The following ELMO1 variants were observed in gnomAD, a reference collection of about 807,000 sequenced individuals.
ELMO1 encodes engulfment and cell motility 1.
ELMO1 carries 26 observed loss-of-function variants against 98.9 expected under a neutral mutation model. The ratio of observed to expected loss-of-function variants is 0.26; its 90% confidence interval spans 0.19 to 0.36. The LOEUF (loss-of-function observed/expected upper bound fraction) is 0.36, where lower values mean the gene tolerates loss of function less well. Among genes scored for constraint, ELMO1 ranks in the 10% least tolerant of loss-of-function variants. ELMO1 has a pLI of 1.00. For missense variants in ELMO1, 627 were observed against 935.2 expected (o/e 0.67, Z 4.30); for synonymous variants, 346 against 346.0 (o/e 1.00, Z 0.00).
chr7:37,419,819 T>C (rs1257546906), intron 1 of ELMO1: 1 of 152,236 alleles, frequency 6.6e-6, no homozygotes, highest in Admixed American at 6.5e-5. Flanking sequence ...CATATGTGTA[T>C]CATCCAGAGA....
At position 36,887,570 on chromosome 7, in the gene ELMO1, C is replaced by T; in HGVS notation, c.1704G>A (p.Arg568=). The T allele has an allele frequency of 1.2e-6, 2 of 1,614,066 alleles. No homozygotes were observed. Among genetic ancestry groups the T allele is most frequent in the African/African-American group, 2.7e-5 (2 of 75,042 alleles). Residue 568 remains arginine, a synonymous_variant, in exon 18 of 22, where the codon CGG becomes CGA. Coordinates refer to ENST00000310758, the MANE Select transcript of ELMO1 (RefSeq NM_014800.11). ...CCCCAGAAACAATACCTTGCCTCCG[C>T]CGGGCATTGAGTTTCCTAAAGCAGG... ...EGTCFRKLNA[R]RRQDKFWYCR...
chr7:37,143,890 T>C (rs1397024707), intron 13 of ELMO1, among the ~76,000 whole-genome samples: 1 of 152,050 alleles, frequency 6.6e-6, no homozygotes, highest in Admixed American at 6.5e-5. Context: ...TTTGTATTTT[T>C]AGTAGAGACA....
chr7:37,148,430 G>T (rs986695455), intron 13 of ELMO1, among the ~76,000 whole-genome samples: 4 of 152,090 alleles, frequency 2.6e-5, no homozygotes, highest in African/African-American at 9.7e-5. Context: ...TGTACTGCCA[G>T]GTATGTAATT....
intron 13 of ELMO1, among the ~76,000 whole-genome samples, chr7:37,148,364 C>T (rs566370463): frequency 2.0e-5 from 3 of 152,292 alleles, no homozygotes; most frequent in African/African-American, 7.2e-5. Context: ...GAATTTAAGG[C>T]AAACTTTCCT....
chr7:37,198,350 C>T (rs1792092569), intron 13 of ELMO1, among the ~76,000 whole-genome samples: 1 of 152,208 alleles, frequency 6.6e-6, no homozygotes, highest in African/African-American at 2.4e-5. Flanking sequence ...TCTGCAGACT[C>T]ATTTCCACCA....
chr7:37,398,390 C>G (rs1803385471), intron 1 of ELMO1, among the ~76,000 whole-genome samples: 1 of 152,156 alleles, frequency 6.6e-6, no homozygotes, highest in African/African-American at 2.4e-5. Context: ...TTCAATTAAT[C>G]ACTGCATTGT....
At chr7:36,924,015 C>T (rs1785344060) in intron 16 of ELMO1, among the ~76,000 whole-genome samples, 1 of 152,092 alleles carries the variant, frequency 6.6e-6, no homozygotes, top group Non-Finnish European at 1.5e-5. Context: ...GCACTCCAGG[C>T]CAAGGAGGCT....
chr7:37,220,737 A>G (rs1052880980), intron 10 of ELMO1, among the ~76,000 whole-genome samples: 6 of 152,228 alleles, frequency 3.9e-5, no homozygotes, highest in Non-Finnish European at 7.3e-5. Context: ...ACTCATGTCT[A>G]GATTCAGAGA....
chr7:37,043,709 C>T (rs1214939585), intron 15 of ELMO1, among the ~76,000 whole-genome samples: 1 of 151,996 alleles, frequency 6.6e-6, no homozygotes, highest in African/African-American at 2.4e-5. Flanking sequence ...CGAAAGGTTC[C>T]CGGTGAATCT....
chr7:37,144,443 C>A (rs887902260), intron 13 of ELMO1, among the ~76,000 whole-genome samples: 1 of 152,206 alleles, frequency 6.6e-6, no homozygotes, highest in African/African-American at 2.4e-5. Flanking sequence ...GCAACTCCCC[C>A]ACTCCTTTCT....
intron 1 of ELMO1, chr7:37,393,835 A>G (rs1157469229): frequency 6.6e-6 from 1 of 152,126 alleles, no homozygotes; most frequent in East Asian, 1.9e-4. Flanking sequence ...CTCCAAGGAG[A>G]GGCTGAACTA....
rs531848090 is a variant in ELMO1, at chr7:36,866,900, G to C, written c.1905+3493C>G. 2.6e-5 allele frequency among the ~76,000 whole-genome samples: 4 copies of C among 152,324 alleles called. No individual in the cohort carries two copies. In the East Asian group the frequency reaches 7.7e-4, roughly 29 times the overall value. ...GCACCTCTGGAGTACGGGGAAAGGGGTGTGGGTTGGGGGGTTCAGCAGGTA... is the reference window on the plus strand; with the variant it reads ...GCACCTCTGGAGTACGGGGAAAGGGCTGTGGGTTGGGGGGTTCAGCAGGTA... On this transcript the variant is annotated intron_variant, in intron 20 of 21. Transcript: ENST00000310758.
intron 4 of ELMO1, among the ~76,000 whole-genome samples, chr7:37,287,610 A>G (rs1297413047): frequency 6.6e-6 from 1 of 152,234 alleles, no homozygotes; most frequent in African/African-American, 2.4e-5. Flanking sequence ...CTTGTTGCTG[A>G]CATTTGTGAT....
intron 13 of ELMO1, among the ~76,000 whole-genome samples, chr7:37,167,337 C>T (rs1281390597): frequency 1.3e-5 from 2 of 152,082 alleles, no homozygotes; most frequent in Non-Finnish European, 2.9e-5. Context: ...CGTCCATTTA[C>T]ATTTAAAGTT....
chr7:37,271,838 T>C lies in ELMO1; in HGVS notation c.237A>G (p.Thr79=). Residue 79 remains threonine, a synonymous_variant, in exon 5 of 22, where the codon ACA becomes ACG. Transcript: ENST00000310758. ...IKNGTILRLT[T]SPAQNAQQLH... ...GAAGCTAAGATCAACTTACTGGAGA[T>C]GTGGTTAATCGAAGGATAGTGCCAT... 2 of 1,613,958 alleles carry C rather than the reference T, an allele frequency of 1.2e-6. No individual in the cohort carries two copies. The highest frequency in any genetic ancestry group is 1.6e-4 in the Middle Eastern group (1 of 6,062).
At chr7:37,094,954 A>G (rs73121148) in intron 15 of ELMO1, among the ~76,000 whole-genome samples, 3,758 of 152,300 alleles carry the variant, frequency 0.025, 84 homozygotes, top group Middle Eastern at 0.095. Context: ...GTTTACTTTT[A>G]GCAGGACAGA....
chr7:37,125,507 A>G (rs1786441531), intron 14 of ELMO1, among the ~76,000 whole-genome samples: 1 of 152,258 alleles, frequency 6.6e-6, no homozygotes, highest in Non-Finnish European at 1.5e-5. Context: ...AAAAGAAGAC[A>G]TTTATGCAGC....
chr7:37,224,819 CA>C, intron 9 of ELMO1, 59 bp downstream of exon 9: 1 of 1,592,416 alleles, frequency 6.3e-7, no homozygotes, highest in Non-Finnish European at 8.6e-7. Context: ...TTTCCCAGTG[CA>C]TTACCGTGGC....
Position 36,968,425 on chromosome 7 carries a change from G to T in ELMO1, c.1437+44874C>A, listed in dbSNP as rs139737033. Among the ~76,000 whole-genome samples, 673 of 152,206 alleles carry T rather than the reference G, an allele frequency of 4.4e-3. 12 individuals are homozygous for T. The highest frequency in any genetic ancestry group is 0.015 in the African/African-American group (618 of 41,524). On this transcript the variant is annotated intron_variant, in intron 16 of 21. Coordinates refer to ENST00000310758, the MANE Select transcript of ELMO1 (RefSeq NM_014800.11). ...GGCAAAGTATGACACTTTGCTTTAT[G>T]AGCAATGTATATATTTTATCCCAAA...
Sources: allele counts gnomAD v4.1 joint callset (sites outside exome capture counted in the v4.1 genomes callset), GRCh38; gene constraint gnomAD v4.1.1; transcripts MANE v1.5; gene names NCBI Gene and HGNC (gene_info 2026-07-23, HGNC 2026-07-21).